GRAMD1C: variants seen among roughly 807,000 people sequenced by gnomAD.
GRAMD1C encodes the protein protein Aster-C.
A neutral mutation model predicts 97.8 loss-of-function variants in GRAMD1C; 89 were observed. That is an observed-to-expected ratio of 0.91 (90% CI 0.77 to 1.09). The LOEUF (loss-of-function observed/expected upper bound fraction) is 1.09, where lower values mean the gene tolerates loss of function less well. GRAMD1C is among the 50% of genes least tolerant of loss of function. GRAMD1C has a pLI of 0.00. For missense variants in GRAMD1C, 740 were observed against 766.4 expected (o/e 0.97, Z 0.41); for synonymous variants, 256 against 267.0 (o/e 0.96, Z 0.40).
intron 2 of GRAMD1C, among the ~76,000 whole-genome samples, chr3:113,864,064 T>C (rs1934495560): frequency 6.6e-6 from 1 of 152,188 alleles, no homozygotes; most frequent in Non-Finnish European, 1.5e-5. Flanking sequence ...CATTTTACTG[T>C]AAGTGGCTAA....
chr3:113,890,508 C>T, intron 6 of GRAMD1C: 1 of 488,118 alleles, frequency 2.0e-6, no homozygotes, highest in Non-Finnish European at 3.6e-6. Flanking sequence ...GCCTCCTTCA[C>T]CCACTGCAGG....
intron 17 of GRAMD1C, among the ~76,000 whole-genome samples, chr3:113,942,270 C>G (rs1937838933): frequency 6.6e-6 from 1 of 151,128 alleles, no homozygotes; most frequent in Admixed American, 6.6e-5. Flanking sequence ...GAAGATATTA[C>G]TGATAGTTAA....
At chr3:113,924,984 A>T (rs182922062) in intron 10 of GRAMD1C, among the ~76,000 whole-genome samples, 1 of 152,304 alleles carries the variant, frequency 6.6e-6, no homozygotes, top group Admixed American at 6.5e-5. Flanking sequence ...TGGGATAGGT[A>T]AGTCTTCATG....
At chr3:113,907,917 C>T (rs745420658) in intron 8 of GRAMD1C, among the ~76,000 whole-genome samples, 5 of 152,174 alleles carry the variant, frequency 3.3e-5, no homozygotes, top group Non-Finnish European at 7.4e-5. Flanking sequence ...TAAATAGGCA[C>T]GTTGCTTTAT....
chr3:113,908,639 G>A (rs1196326320), intron 8 of GRAMD1C, among the ~76,000 whole-genome samples: 2 of 152,026 alleles, frequency 1.3e-5, no homozygotes, highest in East Asian at 3.9e-4. Flanking sequence ...AGAATGGATT[G>A]TTCTATTATT....
Position 113,933,513 on chromosome 3 carries a change from A to G in GRAMD1C, c.1212A>G (p.Thr404=). Residue 404 remains threonine, a splice_region_variant and synonymous_variant, in exon 12 of 18, where the codon ACA becomes ACG. Coordinates refer to ENST00000358160, the MANE Select transcript of GRAMD1C (RefSeq NM_017577.5). ...GKCTAATEKQ[T]LYKESREARF... ...CATTTTTTATCTTACTTTGGCAGAC[A>G]CTGTATAAAGAAAGTCGGGAAGCAC... 6.2e-7 allele frequency: 1 copy of G among 1,608,256 alleles called. No individual in the cohort carries two copies. The highest frequency in any genetic ancestry group is 2.2e-5 in the East Asian group (1 of 44,838).
chr3:113,900,782 G>A (rs1442760187), intron 6 of GRAMD1C, among the ~76,000 whole-genome samples: 1 of 152,002 alleles, frequency 6.6e-6, no homozygotes, highest in Non-Finnish European at 1.5e-5. Flanking sequence ...CCCATTTTCA[G>A]TAGTTATTAT....
At chr3:113,875,955 G>A (rs1935013081) in intron 4 of GRAMD1C, 1 of 469,454 alleles carries the variant, frequency 2.1e-6, no homozygotes, top group East Asian at 3.4e-5. Context: ...AGATAGAGGA[G>A]TTGTTGGGGG....
At chr3:113,892,983 A>G (rs1935796593) in intron 6 of GRAMD1C, among the ~76,000 whole-genome samples, 1 of 152,202 alleles carries the variant, frequency 6.6e-6, no homozygotes, top group Admixed American at 6.5e-5. Flanking sequence ...ATATTTCATG[A>G]CATGTGGCAA....
rs549147471 is a variant in GRAMD1C at position 113,892,928 on chromosome 3, G to A, written c.541-8103G>A. Among the ~76,000 whole-genome samples, 58 of 152,054 alleles carry A rather than the reference G, an allele frequency of 3.8e-4. No individual in the cohort carries two copies. The South Asian group carries it at 0.011, about 29-fold the overall frequency. The stretch of plus-strand genomic sequence containing the variant: ...TGTTTTTGTATGGTCTGCACACAAT[G>A]ACTAGTTTTACATTTTTAAATGGCT... On this transcript the variant is annotated intron_variant, in intron 6 of 17. Transcript: ENST00000358160.
At chr3:113,877,954 A>AT in intron 5 of GRAMD1C, among the ~76,000 whole-genome samples, 1 of 151,970 alleles carries the variant, frequency 6.6e-6, no homozygotes, top group East Asian at 1.9e-4. Flanking sequence ...ATCTTTTTGT[A>AT]TTTTTAGTAG....
chr3:113,898,345 TATATTGAA>T (rs1238942776), intron 6 of GRAMD1C, among the ~76,000 whole-genome samples: 1 of 152,154 alleles, frequency 6.6e-6, no homozygotes, highest in Non-Finnish European at 1.5e-5. Flanking sequence ...CTTACACAAG[TATATTGAA>T]ATATTGCTTG....
In GRAMD1C at chr3:113,883,804, TATAC is replaced by T. The variant is rs1451391206; in HGVS notation, c.540+974_540+977del. On this transcript the variant is annotated intron_variant, in intron 6 of 17. Transcript: ENST00000358160. ...ATAGACCTCGTACAGAGGCCCAAAA[TATAC>T]AAGCAAAAGTTGGCAGAATTGAAGG... 5.9e-5 allele frequency among the ~76,000 whole-genome samples: 9 copies of T among 152,082 alleles called. No homozygotes were observed. The East Asian group carries it at 1.7e-3, about 29-fold the overall frequency.
At chr3:113,930,501 T>A (rs547374252) in intron 10 of GRAMD1C, among the ~76,000 whole-genome samples, 2 of 152,308 alleles carry the variant, frequency 1.3e-5, no homozygotes, top group Admixed American at 1.3e-4. Flanking sequence ...TAGAAATAAA[T>A]GGATCAGAGA....
In GRAMD1C at chr3:113,945,594, G is replaced by T; in HGVS notation, c.*116G>T. 1 of 624,376 alleles carries T rather than the reference G, an allele frequency of 1.6e-6. No homozygotes were observed. The highest frequency in any genetic ancestry group is 2.9e-6 in the Non-Finnish European group (1 of 346,678). The allele number at this position is 624,376 out of a possible 1,614,324, so 38.7% of individuals were successfully genotyped here. On this transcript the variant is annotated 3_prime_UTR_variant, in exon 18 of 18. Transcript: ENST00000358160. ...CATTTCTATGTTTTTTCATTATTGA[G>T]ATTTCTAATATGAACATTTCTTTCA...
intron 2 of GRAMD1C, among the ~76,000 whole-genome samples, chr3:113,846,551 CAAAG>C (rs1933621667): frequency 6.6e-6 from 1 of 151,906 alleles, no homozygotes; most frequent in African/African-American, 2.4e-5. Context: ...AAGGAAAAAG[CAAAG>C]GAAGGAGATA....
chr3:113,938,248 C>A, intron 15 of GRAMD1C, 105 bp downstream of exon 15: 1 of 507,424 alleles, frequency 2.0e-6, no homozygotes, highest in Non-Finnish European at 3.3e-6. Flanking sequence ...TAGAAATTGC[C>A]ACTATTTGAC....
Position 113,930,739 on chromosome 3 carries a change from A to T in GRAMD1C, c.1116A>T (p.Ala372=), listed in dbSNP as rs1577217943. 1.2e-6 allele frequency: 2 copies of T among 1,607,352 alleles called. No individual in the cohort carries two copies. Among genetic ancestry groups the T allele is most frequent in the Non-Finnish European group, 1.7e-6 (2 of 1,173,752 alleles). Residue 372 remains alanine, a synonymous_variant, in exon 11 of 18, where the codon GCA becomes GCT. Transcript: ENST00000358160. ...ATGTAGTATCTACCCCTTGGACTGC[A>T]GAACTTGGAGGTGATCAGCTGAGAA... ...IIDVVSTPWT[A]ELGGDQLRTM... is the part of the protein sequence containing the mutation.
chr3:113,888,318 G>C (rs527695841), intron 6 of GRAMD1C, among the ~76,000 whole-genome samples: 1 of 152,334 alleles, frequency 6.6e-6, no homozygotes, highest in East Asian at 1.9e-4. Context: ...AGAGAGTAAA[G>C]TGGTAGTTGC....
Sources: allele counts gnomAD v4.1 joint callset (sites outside exome capture counted in the v4.1 genomes callset), GRCh38; gene constraint gnomAD v4.1.1; transcripts MANE v1.5; gene names NCBI Gene and HGNC (gene_info 2026-07-23, HGNC 2026-07-21).